Variants in ILDR1 observed in about 807,000 individuals in gnomAD.
ILDR1 encodes immunoglobulin-like domain-containing receptor 1.
In ILDR1, 56 loss-of-function variants were observed where a neutral mutation model predicts 62.4. That is an observed-to-expected ratio of 0.90 (90% CI 0.72 to 1.12). The LOEUF (loss-of-function observed/expected upper bound fraction) is 1.12. Ranked by LOEUF, ILDR1 falls within the 50% of genes most tolerant of loss-of-function variation. The pLI, the probability that ILDR1 is intolerant of heterozygous loss-of-function variation, is 0.00. For synonymous variants in ILDR1, 284 were observed against 277.8 expected (o/e 1.02, Z -0.22); for missense variants, 736 against 710.6 (o/e 1.04, Z -0.41).
chr3:122,022,227 G>C lies in ILDR1; in HGVS notation c.-150C>G. ...CAGCGGGGAGGGAGCGTCCGCTCTG[G>C]TCCCGGGGCAGGTGCCGCCCGGCTC... On this transcript the variant is annotated 5_prime_UTR_variant, in exon 1 of 8. Transcript: ENST00000344209. 1 of 656,408 alleles carries C rather than the reference G, an allele frequency of 1.5e-6. No individual in the cohort carries two copies. Among genetic ancestry groups the C allele is most frequent in the South Asian group, 2.1e-5 (1 of 47,260 alleles). 40.7% of individuals were successfully genotyped at this position (656,408 alleles called of 1,614,324 possible).
At chr3:122,025,590 C>T (rs2071912475), upstream of ILDR1, among the ~76,000 whole-genome samples, 1 of 152,220 alleles carries the variant, frequency 6.6e-6, no homozygotes, top group South Asian at 2.1e-4. Flanking sequence ...CATTTATAAT[C>T]ATACTTCCTA....
Position 121,993,869 on chromosome 3 carries a change from G to A in ILDR1, c.880C>T (p.Arg294Trp), listed in dbSNP as rs139164443. The A allele has an allele frequency of 4.3e-5, 70 of 1,613,942 alleles. No individual in the cohort carries two copies. The highest frequency in any genetic ancestry group is 1.8e-4 in the South Asian group (16 of 91,080). Residue 294 changes from arginine (R) to tryptophan (W), a missense_variant, in exon 7 of 8, where the codon CGG (arginine) becomes TGG (tryptophan). By Grantham distance (101) the Arg-to-Trp change is moderately radical. Transcript: ENST00000344209. ...GVLEYLEKEL[R>W]NLNLAQPLPP... Reference sequence around the variant, plus strand: ...AGAGGCTGGGCCAGGTTGAGGTTCCGCAGTTCTTTCTCCAAATACTCCAGG... The same window carrying A: ...AGAGGCTGGGCCAGGTTGAGGTTCCACAGTTCTTTCTCCAAATACTCCAGG...
chr3:122,056,458 C>T, the ILDR1 span, among the ~76,000 whole-genome samples: 1 of 152,202 alleles, frequency 6.6e-6, no homozygotes, highest in Non-Finnish European at 1.5e-5. Context: ...CCTCAGTCTC[C>T]TGAGTAGCTG....
At chr3:122,042,591 T>G in the ILDR1 span, among the ~76,000 whole-genome samples, 1 of 150,948 alleles carries the variant, frequency 6.6e-6, no homozygotes, top group Non-Finnish European at 1.5e-5. Flanking sequence ...GTTTCCTGAC[T>G]TTTAAATGAT....
the ILDR1 span, among the ~76,000 whole-genome samples, chr3:122,035,104 C>T: frequency 6.6e-5 from 10 of 152,162 alleles, no homozygotes; most frequent in Admixed American, 2.0e-4. Flanking sequence ...GGTGAGGGGA[C>T]AGCAACTACT....
At chr3:122,041,665 G>A in the ILDR1 span, among the ~76,000 whole-genome samples, 2 of 152,046 alleles carry the variant, frequency 1.3e-5, no homozygotes, top group East Asian at 3.9e-4. Flanking sequence ...AAATTTTGGT[G>A]CTATTATAAA....
chr3:122,029,074 C>T, the ILDR1 span, among the ~76,000 whole-genome samples: 4 of 152,014 alleles, frequency 2.6e-5, no homozygotes, highest in African/African-American at 9.7e-5. Context: ...ACTAGATTTA[C>T]AACATGGGTG....
At chr3:122,034,701 A>G in the ILDR1 span, among the ~76,000 whole-genome samples, 1 of 152,202 alleles carries the variant, frequency 6.6e-6, no homozygotes, top group South Asian at 2.1e-4. Context: ...CTGCTGATAA[A>G]GACATACCCG....
the ILDR1 span, among the ~76,000 whole-genome samples, chr3:122,042,984 C>T: frequency 6.7e-6 from 1 of 148,192 alleles, no homozygotes; most frequent in Non-Finnish European, 1.5e-5. Context: ...ACATGAAGTC[C>T]TTGCCCATGC....
intron 5 of ILDR1, among the ~76,000 whole-genome samples, chr3:121,998,875 T>C (rs2071476292): frequency 6.6e-6 from 1 of 152,174 alleles, no homozygotes; most frequent in South Asian, 2.1e-4. Context: ...GTCTCTGCTG[T>C]AGGAATGCAG....
the ILDR1 span, among the ~76,000 whole-genome samples, chr3:122,054,900 T>G: frequency 2.0e-5 from 3 of 152,142 alleles, no homozygotes; most frequent in East Asian, 3.9e-4. Context: ...CTGTCTGCCC[T>G]CCTTGGTTAT....
intron 7 of ILDR1, 50 bp from the exon 8 acceptor site, chr3:121,988,458 C>T (rs2071286835): frequency 3.5e-6 from 5 of 1,441,886 alleles, no homozygotes; most frequent in East Asian, 2.3e-5. Flanking sequence ...CAGTGCAATC[C>T]GTCTATGCAT....
At chr3:122,004,181 T>C (rs940217936) in intron 3 of ILDR1, among the ~76,000 whole-genome samples, 3 of 152,318 alleles carry the variant, frequency 2.0e-5, no homozygotes, top group Middle Eastern at 6.8e-3. Context: ...ACTGGGTGTA[T>C]TCTTCCCTTT....
chr3:122,056,682 C>T, the ILDR1 span, among the ~76,000 whole-genome samples: 1 of 152,204 alleles, frequency 6.6e-6, no homozygotes, highest in African/African-American at 2.4e-5. Flanking sequence ...AAGTAACTTT[C>T]ATCTACCCAG....
the ILDR1 span, among the ~76,000 whole-genome samples, chr3:122,052,991 G>T: frequency 6.6e-6 from 1 of 152,220 alleles, no homozygotes; most frequent in African/African-American, 2.4e-5. Flanking sequence ...TATGGTGAGG[G>T]TATACCGTGA....
intron 1 of ILDR1, among the ~76,000 whole-genome samples, chr3:122,017,037 C>G (rs1048989069): frequency 6.6e-6 from 1 of 152,112 alleles, no homozygotes; most frequent in Non-Finnish European, 1.5e-5. Context: ...AGAGTCTTCT[C>G]AATTCTTTAT....
the ILDR1 span, among the ~76,000 whole-genome samples, chr3:122,040,214 A>T: frequency 2.0e-5 from 3 of 151,960 alleles, no homozygotes; most frequent in Non-Finnish European, 4.4e-5. Context: ...GAGGGAAAGG[A>T]TTTATTTACA....
intron 1 of ILDR1, among the ~76,000 whole-genome samples, chr3:122,009,405 T>G (rs1270858791): frequency 6.7e-6 from 1 of 148,454 alleles, no homozygotes; most frequent in East Asian, 1.9e-4. Flanking sequence ...AATTAAACTT[T>G]AATATTTACT....
chr3:122,001,777 TCTCCTGATGTGTC>T lies in ILDR1; in HGVS notation c.454_466del (p.Asp152ThrfsTer6). On this transcript the variant is annotated frameshift_variant, in exon 4 of 8. Coordinates refer to ENST00000344209, the MANE Select transcript of ILDR1 (RefSeq NM_001199799.2). LOFTEE classifies it high-confidence loss of function. ...GATGAGCTTTACTTCCTTATCGGGG[TCTCCTGATGTGTC>T]CCCTGGAGCCTCAATGGTGCAGTAA... The T allele has an allele frequency of 1.2e-6, 2 of 1,612,354 alleles. No individual in the cohort carries two copies. The highest frequency in any genetic ancestry group is 1.7e-6 in the Non-Finnish European group (2 of 1,179,724).
Sources: gnomAD v4.1 joint callset for allele counts (sites outside exome capture counted in the v4.1 genomes callset) on GRCh38, gnomAD v4.1.1 for gene constraint, MANE v1.5 for transcripts, NCBI Gene and HGNC (gene_info 2026-07-23, HGNC 2026-07-21) for gene names.